Variants in FLT1 observed in about 807,000 individuals in gnomAD.
FLT1 encodes the protein vascular endothelial growth factor receptor 1.
FLT1 carries 49 observed loss-of-function variants against 156.3 expected under a neutral mutation model. That is an observed-to-expected ratio of 0.31 (90% CI 0.25 to 0.40). The LOEUF is 0.40. Ranked by LOEUF, FLT1 falls within the 10% of genes least tolerant of loss-of-function variation. The pLI is 1.00. For missense variants in FLT1, 1,322 were observed against 1,637.2 expected, an observed-to-expected ratio of 0.81 and a Z score of 3.32; for synonymous variants, 594 against 583.8, an observed-to-expected ratio of 1.02 and a Z score of -0.25.
intron 3 of FLT1, among the ~76,000 whole-genome samples, chr13:28,445,250 G>A (rs1351001091): frequency 6.6e-6 from 1 of 152,094 alleles, no homozygotes; most frequent in African/African-American, 2.4e-5. Flanking sequence ...GCTGAGACGG[G>A]TGGATTATCT....
intron 29 of FLT1, among the ~76,000 whole-genome samples, chr13:28,304,810 T>A (rs1870672144): frequency 1.3e-5 from 2 of 152,232 alleles, no homozygotes; most frequent in South Asian, 4.1e-4. Context: ...ATGACTGGCT[T>A]CTTTTACTTA....
chr13:28,417,242 C>T (rs1876705606), intron 10 of FLT1, among the ~76,000 whole-genome samples: 1 of 152,178 alleles, frequency 6.6e-6, no homozygotes, highest in Non-Finnish European at 1.5e-5. Context: ...TATTTTTTCT[C>T]AACCAAATCT....
intron 16 of FLT1, among the ~76,000 whole-genome samples, chr13:28,342,336 G>T (rs868856117): frequency 2.0e-5 from 3 of 152,112 alleles, no homozygotes; most frequent in Admixed American, 6.6e-5. Context: ...TGCTTTCTCG[G>T]AAGTTTTTTC....
intron 16 of FLT1, among the ~76,000 whole-genome samples, chr13:28,341,123 A>G (rs1281995683): frequency 2.0e-5 from 3 of 152,176 alleles, no homozygotes; most frequent in Non-Finnish European, 4.4e-5. Context: ...GGAGGCTGGC[A>G]GTAGTGTTGA....
chr13:28,330,944 T>C (rs1871908715), intron 18 of FLT1, among the ~76,000 whole-genome samples: 1 of 152,234 alleles, frequency 6.6e-6, no homozygotes. Context: ...TCCACCTGCC[T>C]TGGCCTCCCA....
intron 15 of FLT1, among the ~76,000 whole-genome samples, chr13:28,356,995 G>A (rs1169213898): frequency 6.6e-6 from 1 of 152,178 alleles, no homozygotes; most frequent in Non-Finnish European, 1.5e-5. Flanking sequence ...TAAAGAGGAA[G>A]CACTTGGAAT....
intron 4 of FLT1, among the ~76,000 whole-genome samples, chr13:28,436,321 GA>G (rs375584566): frequency 6.6e-6 from 1 of 152,178 alleles, no homozygotes; most frequent in African/African-American, 2.4e-5. Context: ...GGAGGGGACA[GA>G]AAATTAGAAG....
intron 16 of FLT1, among the ~76,000 whole-genome samples, chr13:28,340,168 T>A (rs556529320): frequency 6.7e-6 from 1 of 150,124 alleles, no homozygotes; most frequent in East Asian, 2.0e-4. Flanking sequence ...TGAGCCAAGA[T>A]GGCACCACTG....
chr13:28,422,617 A>T (rs1223496789), intron 10 of FLT1, among the ~76,000 whole-genome samples: 1 of 152,230 alleles, frequency 6.6e-6, no homozygotes, highest in Admixed American at 6.5e-5. Flanking sequence ...ACACCCATGG[A>T]GGAGGTGATC....
intron 15 of FLT1, among the ~76,000 whole-genome samples, chr13:28,350,597 G>A (rs1003309577): frequency 1.3e-5 from 2 of 152,100 alleles, no homozygotes; most frequent in Admixed American, 6.5e-5. Context: ...CTGCATGAAT[G>A]GGTAGGCAGC....
At position 28,329,729 on chromosome 13, in the gene FLT1, CTG is replaced by C; in HGVS notation, c.2594-3_2594-2del. The C allele has an allele frequency of 6.2e-7, 1 of 1,613,008 alleles. No homozygotes were observed. The highest frequency in any genetic ancestry group is 8.5e-7 in the Non-Finnish European group (1 of 1,179,098). ...TTGTACTCGCTGGCCGTGGCCCCCTCTGTGTGAGAAGCAAGGAAGAGTCAGGG... is the reference window on the plus strand; with the variant it reads ...TTGTACTCGCTGGCCGTGGCCCCCTCTGTGAGAAGCAAGGAAGAGTCAGGG... On this transcript the variant is annotated splice_acceptor_variant and splice_polypyrimidine_tract_variant and intron_variant, in intron 18 of 29. Transcript: ENST00000282397. LOFTEE classifies it high-confidence loss of function.
intron 1 of FLT1, among the ~76,000 whole-genome samples, chr13:28,489,063 C>T (rs548117014): frequency 6.6e-6 from 1 of 152,280 alleles, no homozygotes; most frequent in South Asian, 2.1e-4. Context: ...GGCTCACAGG[C>T]CCCAGCGAAG....
intron 14 of FLT1, among the ~76,000 whole-genome samples, chr13:28,380,299 G>C (rs920446766): frequency 6.6e-6 from 1 of 152,212 alleles, no homozygotes; most frequent in Non-Finnish European, 1.5e-5. Flanking sequence ...AGTCATAAAA[G>C]AGTTGGCAGT....
At chr13:28,458,143 G>A (rs558766558) in intron 3 of FLT1, among the ~76,000 whole-genome samples, 5 of 151,978 alleles carry the variant, frequency 3.3e-5, no homozygotes, top group Admixed American at 1.3e-4. Flanking sequence ...CACCATGTCC[G>A]TCAGGCTGGT....
At chr13:28,494,721 T>C (rs1881663020) in intron 1 of FLT1, 59 bp downstream of exon 1, 1 of 1,378,284 alleles carries the variant, frequency 7.3e-7, no homozygotes, top group African/African-American at 1.5e-5. Flanking sequence ...TCGGAGGCTC[T>C]GCCCTCCGGC....
chr13:28,354,551 A>T (rs9513087), intron 15 of FLT1, among the ~76,000 whole-genome samples: 29,787 of 152,090 alleles, frequency 0.2, 3,120 homozygotes, highest in East Asian at 0.32. Context: ...GCACTATTCT[A>T]TTCCTATCCA....
intron 1 of FLT1, among the ~76,000 whole-genome samples, chr13:28,473,577 G>A (rs985215059): frequency 6.6e-5 from 10 of 151,178 alleles, no homozygotes; most frequent in African/African-American, 1.5e-4. Flanking sequence ...CCCGGGAGGC[G>A]GAGATTGCAG....
At chr13:28,346,462 G>A (rs1872569790) in intron 15 of FLT1, among the ~76,000 whole-genome samples, 1 of 152,016 alleles carries the variant, frequency 6.6e-6, no homozygotes, top group Non-Finnish European at 1.5e-5. Flanking sequence ...GCTCGCATCT[G>A]TAATCCTAGC....
intron 13 of FLT1, chr13:28,386,458 T>G: frequency 9.6e-7 from 1 of 1,044,796 alleles, no homozygotes; most frequent in Non-Finnish European, 1.2e-6. Flanking sequence ...AAATGAAATC[T>G]GAAGGCAAAA....
Sources: allele counts gnomAD v4.1 joint callset (sites outside exome capture counted in the v4.1 genomes callset), GRCh38; gene constraint gnomAD v4.1.1; transcripts MANE v1.5; gene names NCBI Gene and HGNC (gene_info 2026-07-23, HGNC 2026-07-21).